The following KIAA1217 variants were observed in gnomAD, a reference collection of about 807,000 sequenced individuals.
KIAA1217 encodes the protein KIAA1217.
A neutral mutation model predicts 163.9 loss-of-function variants in KIAA1217; 88 were observed. That is an observed-to-expected ratio of 0.54 (90% CI 0.45 to 0.64). The LOEUF (loss-of-function observed/expected upper bound fraction) is 0.64. Among genes scored for constraint, KIAA1217 ranks in the 30% least tolerant of loss-of-function variants. The pLI, the probability that KIAA1217 is intolerant of heterozygous loss-of-function variation, is 0.00. For synonymous variants in KIAA1217, 903 were observed against 923.1 expected, an observed-to-expected ratio of 0.98 and a Z score of 0.39; for missense variants, 2,372 against 2,475.0, an observed-to-expected ratio of 0.96 and a Z score of 0.88.
intron 1 of KIAA1217, among the ~76,000 whole-genome samples, chr10:24,210,152 C>T (rs1401607160): frequency 3.4e-5 from 5 of 145,510 alleles, no homozygotes; most frequent in Non-Finnish European, 6.1e-5. Flanking sequence ...CAGTGCTGTG[C>T]GTGGGAGTAG....
intron 2 of KIAA1217, among the ~76,000 whole-genome samples, chr10:24,268,077 C>T (rs1029884782): frequency 2.0e-5 from 3 of 152,114 alleles, no homozygotes; most frequent in Non-Finnish European, 2.9e-5. Context: ...CAGTAAGCTA[C>T]GCGGGCAGGC....
At chr10:23,884,377 C>A (rs1348039477) in intron 1 of KIAA1217, among the ~76,000 whole-genome samples, 2 of 151,950 alleles carry the variant, frequency 1.3e-5, no homozygotes, top group African/African-American at 4.8e-5. Context: ...TAGGTGGCAA[C>A]TTTTCTTACC....
At chr10:23,744,108 A>G (rs560611466) in intron 1 of KIAA1217, among the ~76,000 whole-genome samples, 2 of 152,306 alleles carry the variant, frequency 1.3e-5, no homozygotes, top group East Asian at 3.9e-4. Flanking sequence ...ATGGGCCTGG[A>G]TCAGGGCCAA....
intron 2 of KIAA1217, among the ~76,000 whole-genome samples, chr10:24,377,685 A>C (rs1483411656): frequency 6.6e-6 from 1 of 152,144 alleles, no homozygotes; most frequent in Non-Finnish European, 1.5e-5. Flanking sequence ...ACCCCTCATA[A>C]ATTTGGGGGA....
chr10:23,789,735 T>G (rs1428601746), intron 1 of KIAA1217, among the ~76,000 whole-genome samples: 1 of 151,906 alleles, frequency 6.6e-6, no homozygotes. Context: ...CACTGAGAAA[T>G]GGCCAACTTT....
intron 2 of KIAA1217, among the ~76,000 whole-genome samples, chr10:24,011,395 G>T (rs1487387686): frequency 6.6e-6 from 1 of 152,108 alleles, no homozygotes; most frequent in Non-Finnish European, 1.5e-5. Flanking sequence ...GCTGAGGTGG[G>T]AGGATCACTT....
At chr10:24,301,871 C>G (rs928402970) in intron 2 of KIAA1217, among the ~76,000 whole-genome samples, 5 of 152,034 alleles carry the variant, frequency 3.3e-5, no homozygotes, top group Non-Finnish European at 4.4e-5. Context: ...GTGGTGAAAC[C>G]CTGTATCTAC....
intron 1 of KIAA1217, among the ~76,000 whole-genome samples, chr10:23,858,395 A>T (rs577599179): frequency 6.6e-6 from 1 of 152,158 alleles, no homozygotes; most frequent in South Asian, 2.1e-4. Flanking sequence ...TTTTAAAATT[A>T]TATTTCCTTT....
rs371057035 is a variant in KIAA1217, at chr10:24,056,200, T to C, written c.-171+48826T>C. 7.2e-4 allele frequency among the ~76,000 whole-genome samples: 110 copies of C among 152,116 alleles called. 1 individual carries two copies. The highest frequency in any genetic ancestry group is 2.5e-3 in the African/African-American group (105 of 41,496). ...AAGAATAGTGGTAACACAATTAAAT[T>C]GGGTGTAGTTCCAGATGCTTGGGGG... On this transcript the variant is annotated intron_variant, in intron 2 of 18. Transcript: ENST00000376462.
chr10:24,208,902 G>C (rs911130301), upstream of KIAA1217: 28 of 290,080 alleles, frequency 9.7e-5, no homozygotes, highest in Non-Finnish European at 1.9e-4. Context: ...TGCCCTGGCA[G>C]AGCCCAGCCC....
intron 2 of KIAA1217, among the ~76,000 whole-genome samples, chr10:24,073,519 T>C (rs1019094659): frequency 2.0e-5 from 3 of 152,196 alleles, no homozygotes; most frequent in Non-Finnish European, 2.9e-5. Flanking sequence ...GAGCTTTGCA[T>C]AAGGATAAAA....
chr10:24,260,784 G>T (rs776562225), intron 2 of KIAA1217, among the ~76,000 whole-genome samples: 5 of 151,866 alleles, frequency 3.3e-5, no homozygotes, highest in Admixed American at 6.6e-5. Context: ...ATTCAACATA[G>T]CCCACTAACA....
At chr10:24,377,405 C>T (rs977067434) in intron 2 of KIAA1217, among the ~76,000 whole-genome samples, 1 of 152,142 alleles carries the variant, frequency 6.6e-6, no homozygotes, top group African/African-American at 2.4e-5. Context: ...TTAGGCATAG[C>T]TCTCCACTCA....
At chr10:24,429,148 G>A (rs937146921) in intron 3 of KIAA1217, among the ~76,000 whole-genome samples, 4 of 152,084 alleles carry the variant, frequency 2.6e-5, no homozygotes, top group African/African-American at 9.7e-5. Context: ...GTTTTCAAAG[G>A]CATTGCTCCA....
intron 2 of KIAA1217, among the ~76,000 whole-genome samples, chr10:24,046,088 CATTT>C (rs143012973): frequency 0.18 from 26,545 of 151,400 alleles, 3,790 homozygotes; most frequent in African/African-American, 0.4. Flanking sequence ...GTCCTGATTT[CATTT>C]ATTTATTTAT....
chr10:24,088,495 T>G (rs2061800927), intron 2 of KIAA1217, among the ~76,000 whole-genome samples: 1 of 97,918 alleles, frequency 1.0e-5, no homozygotes, highest in Non-Finnish European at 2.5e-5. Flanking sequence ...CCTTCCTGTG[T>G]CCAAGTGTTC....
intron 2 of KIAA1217, among the ~76,000 whole-genome samples, chr10:24,180,445 C>T (rs760132053): frequency 2.6e-5 from 4 of 152,002 alleles, no homozygotes; most frequent in Non-Finnish European, 4.4e-5. Flanking sequence ...TGCCACTATA[C>T]CTGGCTAGTT....
At chr10:23,809,841 A>G (rs1389060176) in intron 1 of KIAA1217, among the ~76,000 whole-genome samples, 4 of 152,082 alleles carry the variant, frequency 2.6e-5, no homozygotes, top group African/African-American at 9.6e-5. Flanking sequence ...CTGCATATGC[A>G]GATGGTCTCT....
intron 2 of KIAA1217, among the ~76,000 whole-genome samples, chr10:24,379,430 A>G (rs1218248767): frequency 6.6e-6 from 1 of 152,204 alleles, no homozygotes; most frequent in East Asian, 1.9e-4. Flanking sequence ...TGATATTGGC[A>G]TATCTTTGCT....
Sources: allele counts gnomAD v4.1 joint callset (sites outside exome capture counted in the v4.1 genomes callset), GRCh38; gene constraint gnomAD v4.1.1; transcripts MANE v1.5; gene names NCBI Gene and HGNC (gene_info 2026-07-23, HGNC 2026-07-21).